ELAVL2: variants seen among roughly 807,000 people sequenced by gnomAD.
ELAVL2 encodes ELAV like RNA binding protein 2.
In ELAVL2, 4 loss-of-function variants were observed where a neutral mutation model predicts 34.6. The observed-to-expected ratio is 0.12, with a 90% CI of 0.06 to 0.26. The LOEUF is 0.26. Ranked by LOEUF, ELAVL2 falls within the 10% of genes least tolerant of loss-of-function variation. ELAVL2 has a pLI of 1.00. For missense variants in ELAVL2, 432 were observed against 442.8 expected (o/e 0.98, Z 0.22); for synonymous variants, 193 against 154.8 (o/e 1.25, Z -1.83).
At chr9:23,818,500 A>C (rs953295872) in intron 1 of ELAVL2, among the ~76,000 whole-genome samples, 5 of 152,192 alleles carry the variant, frequency 3.3e-5, no homozygotes, top group Non-Finnish European at 7.3e-5. Flanking sequence ...ACACACACTC[A>C]AATGTGGTAG....
chr9:23,843,527 TCTC>T, the ELAVL2 span, among the ~76,000 whole-genome samples: 10 of 151,950 alleles, frequency 6.6e-5, no homozygotes, highest in African/African-American at 2.4e-4. Context: ...GTACTTCCCT[TCTC>T]CTCCATTGCA....
intron 1 of ELAVL2, among the ~76,000 whole-genome samples, chr9:23,771,168 C>A (rs2057238749): frequency 1.3e-5 from 2 of 152,148 alleles, no homozygotes; most frequent in Non-Finnish European, 2.9e-5. Context: ...GTGACTCCCA[C>A]CAGGGTGAAG....
At chr9:23,698,575 A>T (rs1427276570) in intron 5 of ELAVL2, among the ~76,000 whole-genome samples, 2 of 152,354 alleles carry the variant, frequency 1.3e-5, no homozygotes, top group Middle Eastern at 3.4e-3. Flanking sequence ...ACAGTGAGAA[A>T]TTTTCTACAT....
chr9:23,801,930 G>T (rs1477189445), intron 1 of ELAVL2, among the ~76,000 whole-genome samples: 1 of 152,062 alleles, frequency 6.6e-6, no homozygotes, highest in African/African-American at 2.4e-5. Context: ...GGTTTTAGAT[G>T]ACACCTCACC....
chr9:23,737,847 A>T (rs2048258921), intron 2 of ELAVL2, among the ~76,000 whole-genome samples: 1 of 152,252 alleles, frequency 6.6e-6, no homozygotes, highest in African/African-American at 2.4e-5. Context: ...ATAATGCAAT[A>T]CTTTTAAAAA....
intron 4 of ELAVL2, 24 bp from the exon 5 acceptor site, chr9:23,701,628 T>G (rs1428036772): frequency 6.2e-7 from 1 of 1,608,588 alleles, no homozygotes; most frequent in African/African-American, 1.3e-5. Flanking sequence ...GAGTAAAGAT[T>G]TGGAAAAGAG....
In ELAVL2 at chr9:23,785,391, A is replaced by G. The variant is rs145726787; in HGVS notation, c.-15-23142T>C. On this transcript the variant is annotated intron_variant, in intron 1 of 6. Transcript: ENST00000397312. ...CACATAGACCAAAGCATATTATAAA[A>G]TGAGAATTTTGATGAATTTAACTTA... 3.1e-3 allele frequency among the ~76,000 whole-genome samples: 476 copies of G among 152,370 alleles called. 3 individuals are homozygous for G. The highest frequency in any genetic ancestry group is 5.6e-3 in the South Asian group (27 of 4,834).
At chr9:23,725,154 C>T (rs796126671) in intron 3 of ELAVL2, among the ~76,000 whole-genome samples, 2 of 152,028 alleles carry the variant, frequency 1.3e-5, no homozygotes, top group Admixed American at 1.3e-4. Flanking sequence ...CCTTCCTCTC[C>T]GAATAAATAC....
chr9:23,766,735 T>C (rs1283860307), intron 1 of ELAVL2, among the ~76,000 whole-genome samples: 1 of 152,148 alleles, frequency 6.6e-6, no homozygotes, highest in Non-Finnish European at 1.5e-5. Flanking sequence ...AATAAGTTGC[T>C]CACATGGCCC....
At chr9:23,736,202 A>G (rs146421579) in intron 2 of ELAVL2, among the ~76,000 whole-genome samples, 49 of 152,282 alleles carry the variant, frequency 3.2e-4, no homozygotes, top group African/African-American at 1.1e-3. Context: ...TTCTTGATTA[A>G]AAGTATATTA....
intron 5 of ELAVL2, among the ~76,000 whole-genome samples, chr9:23,697,749 T>G (rs2035763846): frequency 6.6e-6 from 1 of 152,050 alleles, no homozygotes; most frequent in South Asian, 2.1e-4. Flanking sequence ...GCTGATGGAC[T>G]ATGGGAAGGC....
At chr9:23,721,087 C>G (rs925752265) in intron 3 of ELAVL2, among the ~76,000 whole-genome samples, 1 of 152,194 alleles carries the variant, frequency 6.6e-6, no homozygotes, top group Non-Finnish European at 1.5e-5. Context: ...TTTTCCTTGC[C>G]ATCCACTGAT....
intron 2 of ELAVL2, among the ~76,000 whole-genome samples, chr9:23,733,317 G>T (rs2047062934): frequency 6.6e-6 from 1 of 152,018 alleles, no homozygotes; most frequent in Admixed American, 6.6e-5. Flanking sequence ...CATTGGCTGG[G>T]CCATGCTTGA....
the ELAVL2 span, among the ~76,000 whole-genome samples, chr9:23,839,741 T>G: frequency 1.3e-5 from 2 of 152,176 alleles, no homozygotes; most frequent in Admixed American, 6.6e-5. Flanking sequence ...CTCCTTGAGT[T>G]TCTGAATTAA....
chr9:23,725,204 G>A (rs1396060979), intron 3 of ELAVL2, among the ~76,000 whole-genome samples: 5 of 151,972 alleles, frequency 3.3e-5, no homozygotes, highest in East Asian at 1.9e-4. Flanking sequence ...AAAACCCTCC[G>A]GTGCCCCTTC....
Position 23,759,754 on chromosome 9 carries a change from TTATATATATATATA to T in ELAVL2, c.229+2238_229+2251del, listed in dbSNP as rs774471922. Among the ~76,000 whole-genome samples, 115 of 81,354 alleles carry T rather than the reference TTATATATATATATA, an allele frequency of 1.4e-3. 6 individuals are homozygous for T. Among genetic ancestry groups the T allele is most frequent in the African/African-American group, 3.2e-3 (75 of 23,104 alleles). The allele number at this position is 81,354 out of a possible 152,430, so 53.4% of individuals were successfully genotyped here. On this transcript the variant is annotated intron_variant, in intron 2 of 6. Transcript: ENST00000397312. ...ATATGTGTATACATCATATATAGTATTATATATATATATATATATATATATATATATATATAATG... is the reference window on the plus strand; with the variant it reads ...ATATGTGTATACATCATATATAGTATTATATATATATATATATATATAATG...
chr9:23,710,493 T>C (rs986265990), intron 3 of ELAVL2, among the ~76,000 whole-genome samples: 1 of 152,224 alleles, frequency 6.6e-6, no homozygotes, highest in African/African-American at 2.4e-5. Context: ...ATAAGGTCTA[T>C]AAATGAACAA....
At chr9:23,778,954 G>A (rs555899924) in intron 1 of ELAVL2, among the ~76,000 whole-genome samples, 32 of 152,216 alleles carry the variant, frequency 2.1e-4, no homozygotes, top group African/African-American at 7.7e-4. Context: ...TCCCTTCTGG[G>A]GGCTGAGTTT....
the ELAVL2 span, among the ~76,000 whole-genome samples, chr9:23,844,701 C>T: frequency 6.6e-6 from 1 of 151,864 alleles, no homozygotes; most frequent in African/African-American, 2.4e-5. Context: ...ACTTTATAAT[C>T]TCTATTTTTA....
Sources: gnomAD v4.1 joint callset for allele counts (sites outside exome capture counted in the v4.1 genomes callset) on GRCh38, gnomAD v4.1.1 for gene constraint, MANE v1.5 for transcripts, NCBI Gene and HGNC (gene_info 2026-07-23, HGNC 2026-07-21) for gene names.